SYS1: variants seen among roughly 807,000 people sequenced by gnomAD.
SYS1 encodes the protein protein SYS1 homolog.
A neutral mutation model predicts 17.8 loss-of-function variants in SYS1; 8 were observed. The ratio of observed to expected loss-of-function variants is 0.45; its 90% CI spans 0.26 to 0.81. SYS1 has a LOEUF of 0.81. Ranked by LOEUF, SYS1 falls within the 40% of genes least tolerant of loss-of-function variation. The probability of loss-of-function intolerance (pLI) is 0.16; values close to 1 mark genes in which losing one functional copy is unlikely to be tolerated. For synonymous variants in SYS1, 95 were observed against 90.9 expected, an observed-to-expected ratio of 1.05 and a Z score of -0.26; for missense variants, 161 against 203.9, an observed-to-expected ratio of 0.79 and a Z score of 1.28.
chr20:45,365,551 C>T (rs927515774), intron 2 of SYS1, 68 bp from the exon 3 acceptor site: 1 of 1,469,554 alleles, frequency 6.8e-7, no homozygotes, highest in Non-Finnish European at 9.5e-7. Context: ...CCTTAGGAGG[C>T]TTGCTGAGAT....
At chr20:45,374,018 G>C, downstream of SYS1, 2 of 1,613,812 alleles carry the variant, frequency 1.2e-6, no homozygotes, top group Non-Finnish European at 1.7e-6. Context: ...CAACCTGCCA[G>C]CAGAAACCTC....
At chr20:45,363,032 G>C, upstream of SYS1, 2 of 872,292 alleles carry the variant, frequency 2.3e-6, no homozygotes, top group Non-Finnish European at 2.8e-6. Context: ...TCTTCCTTCT[G>C]CGCATGTGCT....
At chr20:45,362,480 G>C (rs2743413), upstream of SYS1, among the ~76,000 whole-genome samples, 121,450 of 152,006 alleles carry the variant, frequency 0.8, 48,916 homozygotes, top group African/African-American at 0.89. Context: ...AATTCTCCTG[G>C]CTCAGCCTCC....
chr20:45,370,629 A>C (rs542643785), downstream of SYS1, among the ~76,000 whole-genome samples: 242 of 151,990 alleles, frequency 1.6e-3, 3 homozygotes, highest in Non-Finnish European at 5.0e-4. Context: ...TGGAGGGTAC[A>C]CAGCTCAAAC....
downstream of SYS1, chr20:45,373,952 C>T: frequency 6.2e-7 from 1 of 1,614,124 alleles, no homozygotes; most frequent in Non-Finnish European, 8.5e-7. Flanking sequence ...TCCCCTTCAG[C>T]TGATGGCGCG....
upstream of SYS1, chr20:45,363,100 C>T (rs565551069): frequency 2.1e-5 from 21 of 1,009,762 alleles, no homozygotes; most frequent in Middle Eastern, 5.0e-4. Context: ...AGGTTGCACC[C>T]ACTACGCCTG....
intron 2 of SYS1, among the ~76,000 whole-genome samples, chr20:45,364,445 G>T (rs1043066219): frequency 6.6e-6 from 1 of 151,218 alleles, no homozygotes; most frequent in Non-Finnish European, 1.5e-5. Context: ...GGCAGCTGTG[G>T]CGTGGTGATG....
rs2145357828 is a variant in SYS1 at position 45,368,865 on chromosome 20, G to A, written c.*1750G>A. On this transcript the variant is annotated 3_prime_UTR_variant, in exon 4 of 4. Coordinates refer to ENST00000243918, the MANE Select transcript of SYS1 (RefSeq NM_033542.4). ...GCTGCTGTCACCCTTGACCAGCCGT[G>A]GTGGTGGTTACTCCATCTGTGGTTG... is the stretch of plus-strand genomic sequence containing the variant. The A allele has an allele frequency of 1.0e-6, 1 of 984,918 alleles. No individual in the cohort carries two copies. Among genetic ancestry groups the A allele is most frequent in the East Asian group, 1.1e-4 (1 of 8,814 alleles). The allele number at this position is 984,918 out of a possible 1,614,324, so 61.0% of individuals were successfully genotyped here.
At chr20:45,375,001 C>A in exon 4 of SYS1, 1 of 1,586,064 alleles carries the variant, frequency 6.3e-7, no homozygotes. Context: ...TTGGGGCTTG[C>A]ATCTCACCTA....
At chr20:45,370,760 C>T (rs2741428), downstream of SYS1, among the ~76,000 whole-genome samples, 21,151 of 152,056 alleles carry the variant, frequency 0.14, 1,748 homozygotes, top group South Asian at 0.32. Context: ...CTCCTTGTAC[C>T]GGCAGCCCAG....
At chr20:45,374,727 C>T in exon 4 of SYS1, 1 of 455,816 alleles carries the variant, frequency 2.2e-6, no homozygotes. Context: ...AGGCCTCTGA[C>T]TGTGAGATTC....
chr20:45,362,500 A>C (rs1988254531), upstream of SYS1, among the ~76,000 whole-genome samples: 1 of 151,904 alleles, frequency 6.6e-6, no homozygotes, highest in African/African-American at 2.4e-5. Flanking sequence ...CCGAGTAGCT[A>C]GGACTACAGG....
In SYS1 at chr20:45,368,177, C is replaced by T; in HGVS notation, c.*1062C>T. ...ATTGAGAGAGATCAGCGCAGCCAGGCAAGGGAACTTTAAAGAATTATTAGG... is the reference window on the plus strand; with the variant it reads ...ATTGAGAGAGATCAGCGCAGCCAGGTAAGGGAACTTTAAAGAATTATTAGG... On this transcript the variant is annotated 3_prime_UTR_variant, in exon 4 of 4. Transcript: ENST00000243918. 1 of 985,388 alleles carries T rather than the reference C, an allele frequency of 1.0e-6. No individual in the cohort carries two copies. Among genetic ancestry groups the T allele is most frequent in the Non-Finnish European group, 1.2e-6 (1 of 829,916 alleles). The allele number at this position is 985,388 out of a possible 1,614,324, so 61.0% of individuals were successfully genotyped here. A position where few individuals can be genotyped will look rare whatever the true frequency, so the allele number is the denominator to read the frequency against.
chr20:45,375,136 C>G (rs763292687), exon 4 of SYS1: 2 of 1,614,192 alleles, frequency 1.2e-6, no homozygotes, highest in Non-Finnish European at 1.7e-6. Flanking sequence ...GCACATCACC[C>G]TGGGCGCCGG....
chr20:45,363,247 C>A lies in SYS1; in HGVS notation c.-72C>A, dbSNP rs552220060. On this transcript the variant is annotated 5_prime_UTR_variant, in exon 1 of 4. Coordinates refer to ENST00000243918, the MANE Select transcript of SYS1 (RefSeq NM_033542.4). ...TCTCCTCCATGGTCCTGTCTGTCAG[C>A]GCTGTTTTGGGAGCCCGCCGGTGAG... 2.6e-5 allele frequency: 31 copies of A among 1,194,990 alleles called. No individual in the cohort carries two copies. In the East Asian group the frequency reaches 8.6e-4, roughly 33 times the overall value. The allele number at this position is 1,194,990 out of a possible 1,614,324, so 74.0% of individuals were successfully genotyped here. A position where few individuals can be genotyped will look rare whatever the true frequency, so the allele number is the denominator to read the frequency against.
chr20:45,362,765 G>C (rs900410005), upstream of SYS1, among the ~76,000 whole-genome samples: 2 of 152,174 alleles, frequency 1.3e-5, no homozygotes, highest in African/African-American at 2.4e-5. Context: ...TGTACAGCGG[G>C]AACATTGGCA....
chr20:45,374,669 GA>G, exon 4 of SYS1: 1 of 427,212 alleles, frequency 2.3e-6, no homozygotes, highest in Non-Finnish European at 4.1e-6. Flanking sequence ...AGCCCTACTT[GA>G]CCATCTCCCC....
At chr20:45,373,795 TGAA>T, downstream of SYS1, 5 of 1,047,606 alleles carry the variant, frequency 4.8e-6, no homozygotes, top group South Asian at 6.7e-5. Context: ...GGGGGAAGCC[TGAA>T]GTCGCGACAC....
At chr20:45,361,954 C>T, upstream of SYS1, 1 of 982,606 alleles carries the variant, frequency 1.0e-6, no homozygotes, top group Non-Finnish European at 1.2e-6. Flanking sequence ...AACTTACTTC[C>T]CGTCTTTCCA....
Sources: allele counts gnomAD v4.1 joint callset (sites outside exome capture counted in the v4.1 genomes callset), GRCh38; gene constraint gnomAD v4.1.1; transcripts MANE v1.5; gene names NCBI Gene and HGNC (gene_info 2026-07-23, HGNC 2026-07-21).